The following TCFL5 variants were observed in gnomAD, a reference collection of about 807,000 sequenced individuals.
TCFL5 encodes transcription factor-like 5 protein.
TCFL5 carries 9 observed loss-of-function variants against 44.3 expected under a neutral mutation model. The ratio of observed to expected loss-of-function variants is 0.20; its 90% CI spans 0.12 to 0.35. The LOEUF (loss-of-function observed/expected upper bound fraction) is 0.35. Ranked by LOEUF, TCFL5 falls within the 10% of genes least tolerant of loss-of-function variation. The pLI, the probability that TCFL5 is intolerant of heterozygous loss-of-function variation, is 1.00. For missense variants in TCFL5, 603 were observed against 613.4 expected (o/e 0.98, Z 0.18); for synonymous variants, 319 against 271.6 (o/e 1.17, Z -1.72).
intron 4 of TCFL5, among the ~76,000 whole-genome samples, chr20:62,855,537 C>T (rs1181647634): frequency 1.3e-5 from 2 of 152,190 alleles, no homozygotes; most frequent in African/African-American, 4.8e-5. Flanking sequence ...GAGGCCGAGG[C>T]ACGTGGATCA....
rs552534122 is a variant in TCFL5, at chr20:62,845,414, C to T, written c.1381-3317G>A. 3.8e-5 allele frequency: 47 copies of T among 1,231,178 alleles called. 2 individuals carry two copies. Among genetic ancestry groups the T allele is most frequent in the Middle Eastern group, 6.9e-4 (2 of 2,886 alleles). The allele number at this position is 1,231,178 out of a possible 1,614,324, so 76.3% of individuals were successfully genotyped here. A position where few individuals can be genotyped will look rare whatever the true frequency, so the allele number is the denominator to read the frequency against. On this transcript the variant is annotated intron_variant, in intron 5 of 5. Coordinates refer to ENST00000335351, the MANE Select transcript of TCFL5 (RefSeq NM_006602.4). Reference sequence around the variant, plus strand: ...CTGGGATTACAGGCGTGAGCTACGACGCCCAGCTTCTTCCCAAATTTTAAA... The same window carrying T: ...CTGGGATTACAGGCGTGAGCTACGATGCCCAGCTTCTTCCCAAATTTTAAA...
intron 5 of TCFL5, 124 bp downstream of exon 5, chr20:62,853,892 G>A: frequency 9.8e-7 from 1 of 1,021,886 alleles, no homozygotes; most frequent in Non-Finnish European, 1.5e-6. Flanking sequence ...GCTCATACTG[G>A]ACTTAGTATT....
rs1331234623 is a variant in TCFL5, at chr20:62,842,894, G to C, written c.1381-797C>G. On this transcript the variant is annotated intron_variant, in intron 5 of 5. Transcript: ENST00000335351. The surrounding 1 kb of genome is among the most constrained non-coding windows in gnomAD (Gnocchi z 4.3). ...CCAAGGCCAGCAAGGTGGAGGTGCTGCTCGCTGAGATGGCTCTGTCCTTGG... is the reference window on the plus strand; with the variant it reads ...CCAAGGCCAGCAAGGTGGAGGTGCTCCTCGCTGAGATGGCTCTGTCCTTGG... 6.6e-6 allele frequency among the ~76,000 whole-genome samples: 1 copy of C among 152,252 alleles called. No homozygotes were observed. The highest frequency in any genetic ancestry group is 1.5e-5 in the Non-Finnish European group (1 of 68,052).
chr20:62,847,803 A>T (rs1052651889), intron 5 of TCFL5, among the ~76,000 whole-genome samples: 6 of 152,264 alleles, frequency 3.9e-5, no homozygotes, highest in Non-Finnish European at 8.8e-5. Flanking sequence ...TGAGGTCAGG[A>T]GTTCGAGACC....
intron 3 of TCFL5, among the ~76,000 whole-genome samples, chr20:62,858,785 G>A (rs1202602973): frequency 9.7e-6 from 1 of 103,370 alleles, no homozygotes; most frequent in Non-Finnish European, 2.0e-5. Context: ...AAGGGGCTAC[G>A]CAGGTGTTTC....
intron 5 of TCFL5, chr20:62,846,095 T>C: frequency 7.6e-7 from 1 of 1,315,738 alleles, no homozygotes; most frequent in Non-Finnish European, 1.0e-6. Flanking sequence ...TAACATGACG[T>C]ATCTGGAGTT....
intron 5 of TCFL5, among the ~76,000 whole-genome samples, chr20:62,843,851 CTGT>C (rs2063706536): frequency 6.6e-6 from 1 of 152,242 alleles, no homozygotes. Flanking sequence ...AGGGTGTGCC[CTGT>C]TGTGACTGGC....
chr20:62,847,408 C>A (rs1017240265), intron 5 of TCFL5, among the ~76,000 whole-genome samples: 11 of 151,964 alleles, frequency 7.2e-5, no homozygotes, highest in African/African-American at 2.7e-4. Context: ...AAGATAAGAG[C>A]AAATTATGAT....
rs545323558 is a variant in TCFL5 at position 62,847,994 on chromosome 20, C to G, written c.1381-5897G>C. Among the ~76,000 whole-genome samples the G allele has an allele frequency of 1.1e-4, 16 of 152,282 alleles. 1 individual carries two copies. In the East Asian group the frequency reaches 2.9e-3, roughly 28 times the overall value. On this transcript the variant is annotated intron_variant, in intron 5 of 5. Coordinates refer to ENST00000335351, the MANE Select transcript of TCFL5 (RefSeq NM_006602.4). ...CGGGCAGCCGGGCAGCCAAGGAGAG[C>G]AGAGAAATGGGCGGTTGCCAGTACA...
chr20:62,855,774 A>T (rs2063878986), intron 4 of TCFL5, among the ~76,000 whole-genome samples: 1 of 152,074 alleles, frequency 6.6e-6, no homozygotes, highest in Non-Finnish European at 1.5e-5. Flanking sequence ...CTCACCAAAT[A>T]AAAAAATAAA....
At chr20:62,851,568 C>T (rs1261234577) in intron 5 of TCFL5, 1 of 985,202 alleles carries the variant, frequency 1.0e-6, no homozygotes, top group Non-Finnish European at 1.2e-6. Context: ...AGAGTAACTG[C>T]ATTGTAAATA....
intron 5 of TCFL5, among the ~76,000 whole-genome samples, chr20:62,853,715 T>C (rs538071816): frequency 3.9e-5 from 6 of 152,298 alleles, no homozygotes; most frequent in Admixed American, 1.3e-4. Context: ...AAATATCATG[T>C]CCTACACACC....
At chr20:62,857,195 T>G (rs2063906832) in intron 4 of TCFL5, among the ~76,000 whole-genome samples, 200 bp downstream of exon 4, 1 of 151,912 alleles carries the variant, frequency 6.6e-6, no homozygotes, top group African/African-American at 2.4e-5. Flanking sequence ...GCATGCGGAG[T>G]CCCGGGAGTC....
At position 62,854,145 on chromosome 20, in the gene TCFL5, G is replaced by A. The variant is rs1213857892; in HGVS notation, c.1251C>T (p.Arg417=). 6.2e-7 allele frequency: 1 copy of A among 1,614,060 alleles called. No individual in the cohort carries two copies. The change falls in exon 5 of 6, where the codon CGC becomes CGT. Residue 417 remains arginine, a synonymous_variant. Transcript: ENST00000335351. ...RMERDRRRRI[R]ICCDELNLLV... The stretch of plus-strand genomic sequence containing the variant: ...AGAGATTCAACTCATCACAGCAAAT[G>A]CGGATTCTGCGCCTATAGTCAAAAC...
intron 5 of TCFL5, chr20:62,845,634 GCGT>G (rs568701468): frequency 6.2e-7 from 1 of 1,600,540 alleles, no homozygotes; most frequent in African/African-American, 1.4e-5. Flanking sequence ...GACTGCTGGG[GCGT>G]CACCCCTTCA....
intron 4 of TCFL5, among the ~76,000 whole-genome samples, chr20:62,855,004 A>G (rs150165483): frequency 1.5e-4 from 23 of 152,352 alleles, no homozygotes; most frequent in African/African-American, 5.1e-4. Context: ...CAAACTGTCA[A>G]CGTACGGTGT....
intron 4 of TCFL5, 39 bp from the exon 5 acceptor site, chr20:62,854,196 G>A: frequency 6.2e-7 from 1 of 1,606,846 alleles, no homozygotes; most frequent in East Asian, 2.2e-5. Flanking sequence ...AGAGAGACCG[G>A]AGCAAAACAA....
Position 62,861,747 on chromosome 20 carries a change from A to AGGCGGGG in TCFL5, c.-78_-77insCCCCGCC, listed in dbSNP as rs1321011728. On this transcript the variant is annotated 5_prime_UTR_variant, in exon 1 of 6. Coordinates refer to ENST00000335351, the MANE Select transcript of TCFL5 (RefSeq NM_006602.4). This position sits in a 1 kb window ranked among gnomAD's most constrained non-coding sequence, Gnocchi z 4.0. ...CGGGAGGCGGGAGGCGGGAGGCGGGAGGCGACCCCCGGCCCGAGCACTACT... is the reference window on the plus strand; with the variant it reads ...CGGGAGGCGGGAGGCGGGAGGCGGGAGGCGGGGGGCGACCCCCGGCCCGAGCACTACT... 1 of 143,390 alleles carries AGGCGGGG rather than the reference A, an allele frequency of 7.0e-6. No homozygotes were observed. Among genetic ancestry groups the AGGCGGGG allele is most frequent in the Non-Finnish European group, 1.5e-5 (1 of 65,488 alleles). The allele number at this position is 143,390 out of a possible 1,614,324, so 8.9% of individuals were successfully genotyped here.
chr20:62,845,124 T>A (rs2063724402), intron 5 of TCFL5: 2 of 177,562 alleles, frequency 1.1e-5, no homozygotes, highest in Non-Finnish European at 1.6e-5. Context: ...TTCTTCCCAA[T>A]TTTTTTTTTT....
Sources: allele counts gnomAD v4.1 joint callset (sites outside exome capture counted in the v4.1 genomes callset), GRCh38; gene constraint gnomAD v4.1.1; non-coding constraint Gnocchi (gnomAD v3.1); transcripts MANE v1.5; gene names NCBI Gene and HGNC (gene_info 2026-07-23, HGNC 2026-07-21).